SYBU: variants seen among roughly 807,000 people sequenced by gnomAD.
SYBU encodes the protein GOLSYN A protein.
A neutral mutation model predicts 35.9 loss-of-function variants in SYBU; 21 were observed. The observed-to-expected ratio is 0.58, with a 90% CI of 0.41 to 0.84. The LOEUF is 0.84. Ranked by LOEUF, SYBU falls within the 40% of genes least tolerant of loss-of-function variation. SYBU has a pLI of 0.00. For synonymous variants in SYBU, 319 were observed against 324.3 expected (o/e 0.98, Z 0.18); for missense variants, 768 against 848.2 (o/e 0.91, Z 1.17).
chr8:109,644,707 G>T lies in SYBU; in HGVS notation c.-48C>A. The stretch of plus-strand genomic sequence containing the variant: ...TCGCGCCGCCGCTGCCGCCGTCCAG[G>T]AGGAGGCACCTGCGAGCACGGAGCG... On this transcript the variant is annotated 5_prime_UTR_variant, in exon 1 of 7. Coordinates refer to ENST00000276646, the MANE Select transcript of SYBU (RefSeq NM_001099754.2). 1.4e-6 allele frequency: 2 copies of T among 1,479,156 alleles called. No homozygotes were observed. Among genetic ancestry groups the T allele is most frequent in the Non-Finnish European group, 1.8e-6 (2 of 1,123,190 alleles). The allele number at this position is 1,479,156 out of a possible 1,614,324, so 91.6% of individuals were successfully genotyped here.
chr8:109,656,254 G>A (rs1174522211), intron 1 of SYBU, among the ~76,000 whole-genome samples: 1 of 152,152 alleles, frequency 6.6e-6, no homozygotes, highest in African/African-American at 2.4e-5. Flanking sequence ...ATTTCCTAAT[G>A]CTTGAGACAC....
chr8:109,595,439 C>T lies in SYBU; in HGVS notation c.428-9277G>A, dbSNP rs185820683. On this transcript the variant is annotated intron_variant, in intron 3 of 6. Transcript: ENST00000276646. ...TATAGGGTCTGTGGCTCACGAATAA[C>T]ACATGGTGAGAGCTGTTATCTCCAC... 7.2e-5 allele frequency among the ~76,000 whole-genome samples: 11 copies of T among 152,288 alleles called. No individual in the cohort carries two copies. In the East Asian group the frequency reaches 2.1e-3, roughly 29 times the overall value.
At chr8:109,627,136 A>G (rs1813071536) in intron 2 of SYBU, among the ~76,000 whole-genome samples, 1 of 144,198 alleles carries the variant, frequency 6.9e-6, no homozygotes. Flanking sequence ...TTCGATGTTC[A>G]GTTGTATAAT....
At chr8:109,619,831 A>C (rs1812230747) in intron 2 of SYBU, among the ~76,000 whole-genome samples, 1 of 152,242 alleles carries the variant, frequency 6.6e-6, no homozygotes, top group Non-Finnish European at 1.5e-5. Context: ...GGGTTCAAAG[A>C]AGCAGTGTGA....
chr8:109,590,247 C>T (rs1463640622), intron 3 of SYBU, among the ~76,000 whole-genome samples: 1 of 152,194 alleles, frequency 6.6e-6, no homozygotes, highest in Admixed American at 6.5e-5. Flanking sequence ...ACTGCTAAGG[C>T]TTGGGGGGCC....
chr8:109,645,629 TTTTG>T (rs1445672982), upstream of SYBU: 22 of 277,398 alleles, frequency 7.9e-5, 3 homozygotes, highest in African/African-American at 4.1e-4. Context: ...TTGTTTCGTT[TTTTG>T]TTTTTTTTTT....
At chr8:109,587,875 G>A (rs1823807958) in intron 3 of SYBU, among the ~76,000 whole-genome samples, 1 of 152,320 alleles carries the variant, frequency 6.6e-6, no homozygotes, top group African/African-American at 2.4e-5. Context: ...CTGGATTGCA[G>A]AGACTTTGTC....
intron 1 of SYBU, among the ~76,000 whole-genome samples, chr8:109,672,619 G>GC (rs1335229020): frequency 2.0e-5 from 3 of 152,330 alleles, no homozygotes; most frequent in East Asian, 3.9e-4. Context: ...TGGGGAGACA[G>GC]CGAGCTAGCT....
At chr8:109,614,702 C>T (rs112452685) in intron 3 of SYBU, among the ~76,000 whole-genome samples, 450 of 152,352 alleles carry the variant, frequency 3.0e-3, no homozygotes, top group Non-Finnish European at 4.1e-3. Context: ...GCAGATTCAG[C>T]CTTGCGTGTT....
intron 3 of SYBU, among the ~76,000 whole-genome samples, chr8:109,616,002 C>CTTTTTTTTTGT (rs1811725305): frequency 1.0e-5 from 1 of 99,288 alleles, no homozygotes; most frequent in Non-Finnish European, 1.9e-5. Context: ...CTTTTCTTTT[C>CTTTTTTTTTGT]TTTCTTTTTT....
chr8:109,595,507 C>T (rs1394922249), intron 3 of SYBU, among the ~76,000 whole-genome samples: 1 of 152,178 alleles, frequency 6.6e-6, no homozygotes, highest in Admixed American at 6.5e-5. Flanking sequence ...TGCTAGCACA[C>T]GTGGGCTGAG....
chr8:109,678,998 C>T (rs1817304697), intron 1 of SYBU, among the ~76,000 whole-genome samples: 1 of 152,080 alleles, frequency 6.6e-6, no homozygotes, highest in Non-Finnish European at 1.5e-5. Flanking sequence ...GCACAAGGTA[C>T]AGGTCAAAAA....
intron 1 of SYBU, among the ~76,000 whole-genome samples, chr8:109,689,941 T>C (rs1014909858): frequency 6.6e-6 from 1 of 152,014 alleles, no homozygotes; most frequent in Admixed American, 6.5e-5. Context: ...AGATCATCTG[T>C]AAAAATAAAG....
intron 2 of SYBU, among the ~76,000 whole-genome samples, chr8:109,638,880 T>TA (rs143556659): frequency 0.02 from 3,032 of 151,986 alleles, 88 homozygotes; most frequent in African/African-American, 0.07. Context: ...AAGAAGCGAT[T>TA]AAAAAAAACA....
intron 5 of SYBU, among the ~76,000 whole-genome samples, chr8:109,578,476 G>C (rs1822618962): frequency 6.6e-6 from 1 of 152,216 alleles, no homozygotes; most frequent in African/African-American, 2.4e-5. Context: ...AGGAATGGTA[G>C]CTGTGTGCTG....
chr8:109,650,790 A>G lies in SYBU; in HGVS notation c.-129+29921T>C, dbSNP rs137894731. 4.4e-3 allele frequency among the ~76,000 whole-genome samples: 674 copies of G among 152,324 alleles called. 2 individuals carry two copies. Among genetic ancestry groups the G allele is most frequent in the African/African-American group, 0.015 (610 of 41,572 alleles). On this transcript the variant is annotated intron_variant, in intron 1 of 5. Coordinates refer to the SYBU transcript ENST00000408889. ...CTACTTCTGCTTATCAAGAGAAAAA[A>G]TATGCCTTTTTAAAATGATAACTAT...
rs569578411 is a variant in SYBU, at chr8:109,616,370, G to T, written c.427+2472C>A. ...ATAATACTTCTCATCAAGATGAGTG[G>T]CTGCTCTTTAGCAAATGAGTATTTT... On this transcript the variant is annotated intron_variant, in intron 3 of 6. Coordinates refer to ENST00000276646, the MANE Select transcript of SYBU (RefSeq NM_001099754.2). 3.9e-5 allele frequency among the ~76,000 whole-genome samples: 6 copies of T among 151,988 alleles called. No individual in the cohort carries two copies. The South Asian group carries it at 1.2e-3, about 32-fold the overall frequency.
chr8:109,610,477 C>T (rs984611562), intron 3 of SYBU, among the ~76,000 whole-genome samples: 12 of 152,172 alleles, frequency 7.9e-5, no homozygotes, highest in Admixed American at 2.6e-4. Context: ...AGAGCGTCAC[C>T]TTCTTGCAAT....
chr8:109,645,290 G>C (rs561839989), upstream of SYBU: 32 of 456,588 alleles, frequency 7.0e-5, no homozygotes, highest in South Asian at 5.0e-4. Context: ...CTCTCGTACC[G>C]GAGCCCAGCC....
Sources: allele counts gnomAD v4.1 joint callset (sites outside exome capture counted in the v4.1 genomes callset), GRCh38; gene constraint gnomAD v4.1.1; transcripts MANE v1.5; gene names NCBI Gene and HGNC (gene_info 2026-07-23, HGNC 2026-07-21).